Variants in AHCYL1 observed in about 807,000 individuals in gnomAD.
The protein encoded by AHCYL1 is S-adenosylhomocysteine hydrolase-like protein 1.
Under a neutral mutation model 79.3 loss-of-function variants are expected in AHCYL1, and 20 were observed. The ratio of observed to expected loss-of-function variants is 0.25; its 90% CI spans 0.18 to 0.37. AHCYL1 has a LOEUF of 0.37. AHCYL1 is among the 10% of genes least tolerant of loss of function. AHCYL1 has a pLI of 1.00. For synonymous variants in AHCYL1, 223 were observed against 242.2 expected (o/e 0.92, Z 0.74); for missense variants, 330 against 673.6 (o/e 0.49, Z 5.65).
Position 109,985,051 on chromosome 1 carries a change from G to T in AHCYL1, c.-2G>T, listed in dbSNP as rs1233525421. The T allele has an allele frequency of 1.9e-6, 3 of 1,579,990 alleles. No homozygotes were observed. The Admixed American group carries it at 5.3e-5, about 28-fold the overall frequency. ...TCAGCCGCTGGCCGGGCCGGCCGGG[G>T]AATGTCGATGCCTGACGCGATGCCG... On this transcript the variant is annotated 5_prime_UTR_variant, in exon 1 of 17. Transcript: ENST00000369799.
chr1:109,996,711 CAT>C lies in AHCYL1; in HGVS notation c.120+11540_120+11541del, dbSNP rs139654435. On this transcript the variant is annotated intron_variant, in intron 1 of 16. Coordinates refer to ENST00000369799, the MANE Select transcript of AHCYL1 (RefSeq NM_006621.7). ...TTTGTTACACCAGCATCACCACAAA[CAT>C]GTGAGTAATGCACTGCACTACGATG... Among the ~76,000 whole-genome samples the C allele has an allele frequency of 6.0e-4, 91 of 152,354 alleles. No individual in the cohort carries two copies. The East Asian group carries it at 0.012, about 20-fold the overall frequency.
chr1:110,003,866 T>C (rs1650473661), intron 1 of AHCYL1: 3 of 944,540 alleles, frequency 3.2e-6, no homozygotes, highest in East Asian at 1.2e-4. Context: ...TGTTTACTTC[T>C]AGTTGGCAGT....
At chr1:109,990,904 A>G in intron 1 of AHCYL1, among the ~76,000 whole-genome samples, 1 of 152,154 alleles carries the variant, frequency 6.6e-6, no homozygotes, top group Middle Eastern at 3.2e-3. Context: ...TGACTTTATC[A>G]TTTTAGGTAT....
chr1:110,020,967 T>G, intron 16 of AHCYL1, 116 bp downstream of exon 16: 1 of 1,455,980 alleles, frequency 6.9e-7, no homozygotes, highest in Non-Finnish European at 9.1e-7. Flanking sequence ...ATACAAGAAA[T>G]CTGTTCCAGG....
In AHCYL1 at chr1:110,022,973, G is replaced by C. The variant is rs1034665250; in HGVS notation, c.*1293G>C. On this transcript the variant is annotated 3_prime_UTR_variant, in exon 17 of 17. Coordinates refer to ENST00000369799, the MANE Select transcript of AHCYL1 (RefSeq NM_006621.7). ...ATGCTCTGAAAGAATATCCAGAGAG[G>C]CTCTCTCAAAGATCAGGGAGATGTA... 2 of 152,600 alleles carry C rather than the reference G, an allele frequency of 1.3e-5. No individual in the cohort carries two copies. Among genetic ancestry groups the C allele is most frequent in the Non-Finnish European group, 2.9e-5 (2 of 68,036 alleles). 9.5% of individuals were successfully genotyped at this position (152,600 alleles called of 1,614,324 possible). A position where few individuals can be genotyped will look rare whatever the true frequency, so the allele number is the denominator to read the frequency against.
At chr1:109,995,490 C>G (rs903241654) in intron 1 of AHCYL1, among the ~76,000 whole-genome samples, 6 of 152,200 alleles carry the variant, frequency 3.9e-5, no homozygotes, top group Admixed American at 3.9e-4. Context: ...TTGTCTGTTC[C>G]TAACAGATGG....
chr1:110,021,730 A>G lies in AHCYL1; in HGVS notation c.*50A>G, dbSNP rs1404827597. The G allele has an allele frequency of 1.9e-6, 3 of 1,559,114 alleles. No individual in the cohort carries two copies. The highest frequency in any genetic ancestry group is 1.8e-6 in the Non-Finnish European group (2 of 1,141,606). On this transcript the variant is annotated 3_prime_UTR_variant, in exon 17 of 17. Transcript: ENST00000369799. ...CCACCTGAACCACACACTCTAAAGAAATATTTTTTAAGATAACTTTTATTT... is the reference window on the plus strand; with the variant it reads ...CCACCTGAACCACACACTCTAAAGAGATATTTTTTAAGATAACTTTTATTT...
chr1:110,021,205 C>T (rs1651775125), intron 16 of AHCYL1, among the ~76,000 whole-genome samples: 1 of 152,178 alleles, frequency 6.6e-6, no homozygotes, highest in African/African-American at 2.4e-5. Flanking sequence ...CATGCCACTG[C>T]ACTCCAGCCT....
chr1:110,008,728 G>A (rs1570874571), intron 1 of AHCYL1, among the ~76,000 whole-genome samples: 1 of 152,070 alleles, frequency 6.6e-6, no homozygotes, highest in East Asian at 1.9e-4. Flanking sequence ...TATAAGAGGG[G>A]AAAAAAACTT....
At chr1:110,008,975 A>G (rs1279732668) in intron 1 of AHCYL1, 59 bp from the exon 2 acceptor site, 17 of 1,405,184 alleles carry the variant, frequency 1.2e-5, no homozygotes, top group Middle Eastern at 1.8e-4. Flanking sequence ...CCTTAAAAAA[A>G]AAAACATTTC....
intron 1 of AHCYL1, among the ~76,000 whole-genome samples, chr1:110,000,015 A>C (rs531492974): frequency 2.5e-4 from 38 of 152,234 alleles, no homozygotes; most frequent in Non-Finnish European, 4.0e-4. Context: ...TTAGTTTAAA[A>C]GAAATTATCT....
Position 109,984,891 on chromosome 1 carries a change from G to A in AHCYL1, c.-162G>A. 2 of 1,169,452 alleles carry A rather than the reference G, an allele frequency of 1.7e-6. No homozygotes were observed. Among genetic ancestry groups the A allele is most frequent in the Non-Finnish European group, 2.2e-6 (2 of 911,956 alleles). 72.4% of individuals were successfully genotyped at this position (1,169,452 alleles called of 1,614,324 possible). A position where few individuals can be genotyped will look rare whatever the true frequency, so the allele number is the denominator to read the frequency against. The stretch of plus-strand genomic sequence containing the variant: ...TGCCTTGGGCTGCCGAACAGACAAG[G>A]CGTGGGCCACAGCACCTCAGAAGCC... On this transcript the variant is annotated 5_prime_UTR_variant, in exon 1 of 17. Transcript: ENST00000369799.
chr1:110,004,652 G>A (rs1422334224), intron 1 of AHCYL1, among the ~76,000 whole-genome samples: 1 of 152,138 alleles, frequency 6.6e-6, no homozygotes, highest in Admixed American at 6.5e-5. Context: ...GCATGGTGGT[G>A]TGGGCCTATA....
At position 110,022,644 on chromosome 1, in the gene AHCYL1, T is replaced by A. The variant is rs543624363; in HGVS notation, c.*964T>A. 1.3e-5 allele frequency: 2 copies of A among 152,750 alleles called. No individual in the cohort carries two copies. The highest frequency in any genetic ancestry group is 4.1e-4 in the South Asian group (2 of 4,830). 9.5% of individuals were successfully genotyped at this position (152,750 alleles called of 1,614,324 possible). ...GAAGGCGAATTTCTTGAGCCATTAC[T>A]CAGTATAAAGCACTGAGTTCTATCT... On this transcript the variant is annotated 3_prime_UTR_variant, in exon 17 of 17. Coordinates refer to ENST00000369799, the MANE Select transcript of AHCYL1 (RefSeq NM_006621.7).
At chr1:110,001,394 C>A (rs1301376374) in intron 1 of AHCYL1, among the ~76,000 whole-genome samples, 2 of 152,154 alleles carry the variant, frequency 1.3e-5, no homozygotes, top group African/African-American at 4.8e-5. Flanking sequence ...CCATATTGGT[C>A]AGGCTGGTCT....
chr1:110,015,527 C>T lies in AHCYL1; in HGVS notation c.778C>T (p.His260Tyr). The T allele has an allele frequency of 6.2e-7, 1 of 1,613,906 alleles. No homozygotes were observed. Among genetic ancestry groups the T allele is most frequent in the Non-Finnish European group, 8.5e-7 (1 of 1,179,772 alleles). Residue 260 changes from histidine (H) to tyrosine (Y), a missense_variant, in exon 7 of 17, where the codon CAC (histidine) becomes TAC (tyrosine). This residue lies in a region of AHCYL1 where 6 missense variants were observed against 62.8 expected (regional missense o/e 0.10). Coordinates refer to ENST00000369799, the MANE Select transcript of AHCYL1 (RefSeq NM_006621.7). ...GIVEESVTGVHRLYQLSKAGK... is the reference protein window; with the variant it reads ...GIVEESVTGVYRLYQLSKAGK... ...TGTGGAAGAGAGCGTGACTGGTGTT[C>T]ACAGGTAACAGATTCTGGAGTAGCT...
In AHCYL1 at chr1:110,018,514, A is replaced by G. The variant is rs778838689; in HGVS notation, c.1219-38A>G. On this transcript the variant is annotated intron_variant, in intron 12 of 16. Transcript: ENST00000369799. ...GCTAGGCATTTCTCTACTACCTTTC[A>G]TTAATAACCATAGTCAACTGTGCTT... The G allele has an allele frequency of 8.1e-6, 13 of 1,613,952 alleles. No individual in the cohort carries two copies. The South Asian group carries it at 1.4e-4, about 18-fold the overall frequency.
Position 110,012,476 on chromosome 1 carries a change from A to T in AHCYL1, c.477+14A>T. ...GCCCAGACAGCGGTGAGTTTGTTGG[A>T]AGAAAAGAGGGACTTCTGATAAGGG... On this transcript the variant is annotated intron_variant, in intron 4 of 16. Coordinates refer to ENST00000369799, the MANE Select transcript of AHCYL1 (RefSeq NM_006621.7). 1 of 1,567,442 alleles carries T rather than the reference A, an allele frequency of 6.4e-7. No homozygotes were observed. The highest frequency in any genetic ancestry group is 8.6e-7 in the Non-Finnish European group (1 of 1,158,668).
intron 13 of AHCYL1, 87 bp downstream of exon 13, chr1:110,018,737 C>A: frequency 5.0e-6 from 6 of 1,190,280 alleles, no homozygotes; most frequent in Non-Finnish European, 6.0e-6. Flanking sequence ...AAATATTAGG[C>A]CTATGTTTCC....
Sources: allele counts gnomAD v4.1 joint callset (sites outside exome capture counted in the v4.1 genomes callset), GRCh38; gene constraint gnomAD v4.1.1; regional missense constraint gnomAD v4.1.1; transcripts MANE v1.5; gene names NCBI Gene and HGNC (gene_info 2026-07-23, HGNC 2026-07-21).